Variants in LRP2BP observed in about 807,000 individuals in gnomAD.
The protein encoded by LRP2BP is LRP2 binding protein, also known as LRP2-binding protein.
LRP2BP carries 38 observed loss-of-function variants against 45.2 expected under a neutral mutation model. The observed-to-expected ratio is 0.84, with a 90% CI of 0.65 to 1.10. The LOEUF is 1.10. LRP2BP is among the 50% of genes least tolerant of loss of function. The pLI is 0.00. For missense variants in LRP2BP, 385 were observed against 418.9 expected (o/e 0.92, Z 0.71); for synonymous variants, 153 against 153.9 (o/e 0.99, Z 0.04).
intron 1 of LRP2BP, among the ~76,000 whole-genome samples, chr4:185,390,195 C>T (rs1466638032): frequency 1.3e-5 from 2 of 152,046 alleles, no homozygotes; most frequent in African/African-American, 4.8e-5. Flanking sequence ...TCATGTCTCA[C>T]TCATATCTCA....
rs1295705985 is a variant in LRP2BP, at chr4:185,393,361, T to TA, written c.-22+1417dup. Among the ~76,000 whole-genome samples the TA allele has an allele frequency of 5.3e-5, 8 of 152,370 alleles. No homozygotes were observed. In the East Asian group the frequency reaches 1.5e-3, roughly 29 times the overall value. On this transcript the variant is annotated intron_variant, in intron 1 of 8. Coordinates refer to ENST00000505916, the MANE Select transcript of LRP2BP (RefSeq NM_001377440.1). ...TATTCTCAATTACTCCTCCTTTCAATACTGTGCCTTTTGGTAATGCTTTCC... is the reference window on the plus strand; with the variant it reads ...TATTCTCAATTACTCCTCCTTTCAATAACTGTGCCTTTTGGTAATGCTTTCC...
intron 2 of LRP2BP, 190 bp from the exon 3 acceptor site, chr4:185,377,208 A>C (rs2095441017): frequency 1.8e-6 from 1 of 570,328 alleles, no homozygotes; most frequent in Non-Finnish European, 3.1e-6. Context: ...AGGCCCTAAC[A>C]CTGTGCCTTG....
chr4:185,374,022 A>C lies in LRP2BP; in HGVS notation c.579+113T>G, dbSNP rs1174867309. 1.3e-5 allele frequency: 11 copies of C among 831,104 alleles called. No homozygotes were observed. The East Asian group carries it at 2.9e-4, about 22-fold the overall frequency. The allele number at this position is 831,104 out of a possible 1,614,324, so 51.5% of individuals were successfully genotyped here. On this transcript the variant is annotated intron_variant, in intron 6 of 8. Coordinates refer to ENST00000505916, the MANE Select transcript of LRP2BP (RefSeq NM_001377440.1). The stretch of plus-strand genomic sequence containing the variant: ...AAAATGTATGCTTTCTTTACATTTA[A>C]AGGAACTATAAGAGATATTTAAAAC...
chr4:185,376,943 G>T lies in LRP2BP; in HGVS notation c.182C>A (p.Ala61Glu). 1.2e-6 allele frequency: 2 copies of T among 1,613,612 alleles called. No individual in the cohort carries two copies. The highest frequency in any genetic ancestry group is 8.5e-7 in the Non-Finnish European group (1 of 1,179,548). Residue 61 changes from alanine (A) to glutamate (E), a missense_variant, in exon 3 of 9, where the codon GCA becomes GAA. Physicochemically the swap from Ala to Glu is moderately radical, Grantham distance 107. Coordinates refer to ENST00000505916, the MANE Select transcript of LRP2BP (RefSeq NM_001377440.1). ...ATATAGTTGACCTCGTAGGAAATAT[G>T]CCAGAGTGTCTCCTTTCAGTATTCT... ...KERILKGDTL[A>E]YFLRGQLYFE...
intron 1 of LRP2BP, among the ~76,000 whole-genome samples, chr4:185,392,918 C>G (rs2095492006): frequency 1.3e-5 from 2 of 152,134 alleles, no homozygotes; most frequent in African/African-American, 4.8e-5. Flanking sequence ...GAAACCAGGC[C>G]AGCTACTGGG....
chr4:185,397,039 T>TGGGC, upstream of LRP2BP: 1 of 1,609,878 alleles, frequency 6.2e-7, no homozygotes, highest in African/African-American at 1.3e-5. Flanking sequence ...GACGGACCAC[T>TGGGC]GGGCGCTGCC....
At chr4:185,376,566 T>C (rs546051562) in intron 3 of LRP2BP, among the ~76,000 whole-genome samples, 2 of 151,874 alleles carry the variant, frequency 1.3e-5, no homozygotes, top group South Asian at 4.2e-4. Context: ...AGTACTGGGA[T>C]TACAGGCGTG....
intron 1 of LRP2BP, among the ~76,000 whole-genome samples, chr4:185,389,447 T>C (rs1432971333): frequency 3.3e-5 from 5 of 151,962 alleles, no homozygotes; most frequent in Non-Finnish European, 7.4e-5. Flanking sequence ...CCTGACCTTG[T>C]GATCCGCCCA....
chr4:185,393,996 T>A (rs2095495228), intron 1 of LRP2BP, among the ~76,000 whole-genome samples: 1 of 152,170 alleles, frequency 6.6e-6, no homozygotes, highest in Admixed American at 6.5e-5. Context: ...TGGTGGCTCA[T>A]GCCTGTAATC....
At chr4:185,378,920 C>A in intron 1 of LRP2BP, 1 of 985,328 alleles carries the variant, frequency 1.0e-6, no homozygotes, top group Non-Finnish European at 1.2e-6. Context: ...GCAAAGGTTC[C>A]TGATTGGTGG....
intron 8 of LRP2BP, among the ~76,000 whole-genome samples, chr4:185,368,646 A>C (rs557400893): frequency 1.7e-4 from 26 of 152,322 alleles, no homozygotes; most frequent in Admixed American, 3.9e-4. Context: ...CCATTTTATC[A>C]GTATCCCCAT....
upstream of LRP2BP, chr4:185,397,112 A>G (rs746374874): frequency 6.2e-6 from 10 of 1,611,376 alleles, no homozygotes; most frequent in African/African-American, 2.7e-5. Flanking sequence ...GGACTGGACA[A>G]AGGTGGGAAG....
At chr4:185,396,863 G>A, upstream of LRP2BP, 2 of 1,571,008 alleles carry the variant, frequency 1.3e-6, no homozygotes, top group Non-Finnish European at 1.7e-6. Flanking sequence ...CTGTCGGGGT[G>A]CGGCGAGTGT....
Position 185,372,996 on chromosome 4 carries a change from T to C in LRP2BP, c.663A>G (p.Gln221=), listed in dbSNP as rs758428351. Residue 221 remains glutamine (Q), a synonymous_variant, in exon 7 of 9, where the codon CAA becomes CAG. Transcript: ENST00000505916. The stretch of plus-strand genomic sequence containing the variant: ...CAGCTTCCGTATCCTGCCGGATGCC[T>C]TGTCCATACAAGTACATGAGCCCAA... ...GALGLMYLYG[Q]GIRQDTEAAL... The C allele has an allele frequency of 5.0e-6, 8 of 1,614,022 alleles. No homozygotes were observed. Among genetic ancestry groups the C allele is most frequent in the Non-Finnish European group, 6.8e-6 (8 of 1,179,874 alleles).
chr4:185,392,731 A>G (rs1312343506), intron 1 of LRP2BP, among the ~76,000 whole-genome samples: 1 of 152,210 alleles, frequency 6.6e-6, no homozygotes, highest in Non-Finnish European at 1.5e-5. Context: ...TATTGCCATA[A>G]TATCATTATT....
chr4:185,371,561 A>AAT (rs1554017488), intron 7 of LRP2BP, among the ~76,000 whole-genome samples: 94 of 150,694 alleles, frequency 6.2e-4, no homozygotes, highest in African/African-American at 2.0e-3. Flanking sequence ...AAAAAAAAAA[A>AAT]AAGGATAATG....
intron 1 of LRP2BP, among the ~76,000 whole-genome samples, chr4:185,379,818 C>G (rs1381162973): frequency 6.6e-6 from 1 of 151,902 alleles, no homozygotes; most frequent in African/African-American, 2.4e-5. Flanking sequence ...GCACTTCTCT[C>G]TCTCTCTCTC....
Position 185,377,014 on chromosome 4 carries a change from G to A in LRP2BP, c.111C>T (p.Tyr37=), listed in dbSNP as rs1389451777. The A allele has an allele frequency of 3.7e-6, 6 of 1,605,812 alleles. No homozygotes were observed. Among genetic ancestry groups the A allele is most frequent in the Non-Finnish European group, 5.1e-6 (6 of 1,172,548 alleles). ...CCTTATCCACCAAATTAGCATGGGT[G>A]TAATCTGATTTTAAAAAGGTAAGGA... The part of the protein sequence containing the change: ...FFQWKKEKTD[Y]THANLVDKAL... Residue 37 remains tyrosine, a synonymous_variant, in exon 3 of 9, where the codon TAC becomes TAT. Coordinates refer to ENST00000505916, the MANE Select transcript of LRP2BP (RefSeq NM_001377440.1).
Position 185,372,908 on chromosome 4 carries a change from C to A in LRP2BP, c.751G>T (p.Glu251Ter). 6.2e-7 allele frequency: 1 copy of A among 1,613,210 alleles called. No homozygotes were observed. ...GNVYAQGNLV[E>*]YYYKMKFFTK... ...AAAAATTTCATCTTATAGTAATACT[C>A]CACGAGATTCCCTTGAGCATAGACG... Residue 251 changes from glutamate (E) to a stop codon, truncating the protein, a stop_gained, in exon 7 of 9, where the codon GAG becomes TAG. Transcript: ENST00000505916. LOFTEE classifies it high-confidence loss of function.
Sources: gnomAD v4.1 joint callset for allele counts (sites outside exome capture counted in the v4.1 genomes callset) on GRCh38, gnomAD v4.1.1 for gene constraint, MANE v1.5 for transcripts, NCBI Gene and HGNC (gene_info 2026-07-23, HGNC 2026-07-21) for gene names.